Variants in GTPBP4 observed in about 807,000 individuals in gnomAD.
GTPBP4 encodes GTP binding protein 4.
Under a neutral mutation model 81.7 loss-of-function variants are expected in GTPBP4, and 15 were observed. The ratio of observed to expected loss-of-function variants is 0.18; its 90% confidence interval spans 0.12 to 0.28. The LOEUF (loss-of-function observed/expected upper bound fraction) is 0.28, where lower values mean the gene tolerates loss of function less well. Ranked by LOEUF, GTPBP4 falls within the 10% of genes least tolerant of loss-of-function variation. GTPBP4 has a pLI of 1.00. For synonymous variants in GTPBP4, 272 were observed against 274.6 expected (o/e 0.99, Z 0.09); for missense variants, 847 against 793.8 (o/e 1.07, Z -0.81).
rs761100651 is a variant in GTPBP4 at position 1,012,525 on chromosome 10, G to C, written c.1405G>C (p.Val469Leu). 1 of 1,612,904 alleles carries C rather than the reference G, an allele frequency of 6.2e-7. No individual in the cohort carries two copies. Among genetic ancestry groups the C allele is most frequent in the African/African-American group, 1.3e-5 (1 of 74,918 alleles). Residue 469 changes from valine (V) to leucine (L), a missense_variant, in exon 14 of 17, where the codon GTA (valine) becomes CTA (leucine). By Grantham distance (32) the Val-to-Leu change is conservative (BLOSUM62 1). Around this residue, in one of 3 missense-constraint regions of GTPBP4, gnomAD observed 600 missense variants for 557.1 expected, o/e 1.08. Transcript: ENST00000360803. ...LRTAAGEYDS[V>L]SESEDEEMLE... is the part of the protein sequence containing the mutation. ...AACAGCTGCTGGAGAGTATGACAGT[G>C]TATCTGAGAGTGAAGACGAAGAGAT...
At position 1,019,841 on chromosome 10, in the gene GTPBP4, A is replaced by G. The variant is rs1832060211; in HGVS notation, c.*2614A>G. Reference sequence around the variant, plus strand: ...CAATGTCCTCTGGAGAAATCTATTGACAGAAATTGGTGCAGTGTTAACAAC... The same window carrying G: ...CAATGTCCTCTGGAGAAATCTATTGGCAGAAATTGGTGCAGTGTTAACAAC... On this transcript the variant is annotated 3_prime_UTR_variant, in exon 17 of 17. Transcript: ENST00000360803. The G allele has an allele frequency of 6.2e-7, 1 of 1,606,308 alleles. No homozygotes were observed. The highest frequency in any genetic ancestry group is 8.5e-7 in the Non-Finnish European group (1 of 1,173,010).
chr10:1,004,824 C>T (rs1047376284), intron 8 of GTPBP4, among the ~76,000 whole-genome samples: 2 of 152,270 alleles, frequency 1.3e-5, no homozygotes, highest in South Asian at 2.1e-4. Flanking sequence ...GCAGTTTAGC[C>T]TCAGGGATGA....
chr10:992,649 C>A lies in GTPBP4; in HGVS notation c.209C>A (p.Pro70His). 2 of 1,603,044 alleles carry A rather than the reference C, an allele frequency of 1.2e-6. No homozygotes were observed. Among genetic ancestry groups the A allele is most frequent in the South Asian group, 2.2e-5 (2 of 89,874 alleles). ...DRLSQILTDF[P>H]KLDDIHPFYA... ...CTTTCACAAATTCTAACAGATTTCC[C>A]CAAATTGGATGTAAGTGACTTAGGG... Residue 70 changes from proline to histidine, a missense_variant, in exon 2 of 17, where the codon CCC (proline) becomes CAC (histidine). Coordinates refer to ENST00000360803, the MANE Select transcript of GTPBP4 (RefSeq NM_012341.3).
intron 5 of GTPBP4, among the ~76,000 whole-genome samples, chr10:998,275 T>C (rs1831567352): frequency 6.6e-6 from 1 of 152,098 alleles, no homozygotes; most frequent in African/African-American, 2.4e-5. Flanking sequence ...AATTTTTTTA[T>C]TTTTTGTGGA....
chr10:1,019,844 G>C lies in GTPBP4; in HGVS notation c.*2617G>C. 1 of 1,600,916 alleles carries C rather than the reference G, an allele frequency of 6.2e-7. No individual in the cohort carries two copies. The highest frequency in any genetic ancestry group is 8.6e-7 in the Non-Finnish European group (1 of 1,168,248). On this transcript the variant is annotated 3_prime_UTR_variant, in exon 17 of 17. Transcript: ENST00000360803. ...TGTCCTCTGGAGAAATCTATTGACAGAAATTGGTGCAGTGTTAACAACGCT... is the reference window on the plus strand; with the variant it reads ...TGTCCTCTGGAGAAATCTATTGACACAAATTGGTGCAGTGTTAACAACGCT...
At chr10:1,010,572 A>G in intron 13 of GTPBP4, 52 bp downstream of exon 13, 1 of 988,292 alleles carries the variant, frequency 1.0e-6, no homozygotes, top group Non-Finnish European at 1.6e-6. Flanking sequence ...TTATAGTAGT[A>G]TTGCTGGAAG....
rs182221582 is a variant in GTPBP4 at position 1,007,990 on chromosome 10, A to T, written c.1113+862A>T. On this transcript the variant is annotated intron_variant, in intron 10 of 16. Transcript: ENST00000360803. ...TTGCAAATTTTTTTCTCTTTTTGTC[A>T]CTTGCCTTTTTAACTTCAAATGTGC... is the stretch of plus-strand genomic sequence containing the variant. 2.9e-4 allele frequency: 152 copies of T among 516,144 alleles called. 1 individual carries two copies. The highest frequency in any genetic ancestry group is 2.4e-3 in the Middle Eastern group (7 of 2,944). 32.0% of individuals were successfully genotyped at this position (516,144 alleles called of 1,614,324 possible).
intron 11 of GTPBP4, 68 bp downstream of exon 11, chr10:1,009,103 G>A: frequency 8.2e-7 from 1 of 1,224,922 alleles, no homozygotes; most frequent in Non-Finnish European, 1.2e-6. Context: ...CCATCGTGGG[G>A]GCCTGGGGCA....
At position 1,008,943 on chromosome 10, in the gene GTPBP4, A is replaced by G. The variant is rs1831801008; in HGVS notation, c.1114-15A>G. The G allele has an allele frequency of 1.9e-6, 3 of 1,584,888 alleles. No homozygotes were observed. Among genetic ancestry groups the G allele is most frequent in the South Asian group, 1.1e-5 (1 of 90,472 alleles). On this transcript the variant is annotated splice_polypyrimidine_tract_variant and intron_variant, in intron 10 of 16. Coordinates refer to ENST00000360803, the MANE Select transcript of GTPBP4 (RefSeq NM_012341.3). ...CAGGCATTTCACATAAATATTTTAT[A>G]TGGGATCTTCTCAGGAGAGGCCCCC... is the stretch of plus-strand genomic sequence containing the variant.
intron 13 of GTPBP4, 50 bp downstream of exon 13, chr10:1,010,570 G>A (rs1349970879): frequency 1.0e-6 from 1 of 1,001,018 alleles, no homozygotes; most frequent in Non-Finnish European, 1.6e-6. Context: ...TATTATAGTA[G>A]TATTGCTGGA....
rs1832053978 is a variant in GTPBP4 at position 1,019,629 on chromosome 10, A to G, written c.*2402A>G. The G allele has an allele frequency of 6.2e-7, 1 of 1,613,922 alleles. No homozygotes were observed. The highest frequency in any genetic ancestry group is 1.3e-5 in the African/African-American group (1 of 74,992). ...GGTTCTTAGCCAGGGGGTGACTTTG[A>G]CTTCACCCCTCGCCTCCCTCTCCAG... On this transcript the variant is annotated 3_prime_UTR_variant, in exon 17 of 17. Coordinates refer to ENST00000360803, the MANE Select transcript of GTPBP4 (RefSeq NM_012341.3).
chr10:1,000,178 A>G (rs1831600857), intron 6 of GTPBP4, among the ~76,000 whole-genome samples: 1 of 151,376 alleles, frequency 6.6e-6, no homozygotes, highest in Non-Finnish European at 1.5e-5. Context: ...TGATGTTTAA[A>G]TAGTATGTAC....
rs144764762 is a variant in GTPBP4, at chr10:994,256, TTTTGTTTGTTTG to T, written c.219+1617_219+1628del. ...GAAGAAAGTGATTTAAGAATGAGAT[TTTTGTTTGTTTG>T]TTTGTTTGTTTGTTTGTTTTGAGAC... is the stretch of plus-strand genomic sequence containing the variant. On this transcript the variant is annotated intron_variant, in intron 2 of 16. Coordinates refer to ENST00000360803, the MANE Select transcript of GTPBP4 (RefSeq NM_012341.3). 1.3e-3 allele frequency among the ~76,000 whole-genome samples: 192 copies of T among 150,482 alleles called. 1 individual carries two copies. Among genetic ancestry groups the T allele is most frequent in the African/African-American group, 3.8e-3 (155 of 40,836 alleles).
intron 8 of GTPBP4, among the ~76,000 whole-genome samples, chr10:1,002,483 G>T (rs1326554214): frequency 2.0e-5 from 3 of 152,138 alleles, no homozygotes; most frequent in African/African-American, 4.8e-5. Context: ...GTGTCTTAAT[G>T]TCTTTACAGG....
intron 7 of GTPBP4, 29 bp from the exon 8 acceptor site, chr10:1,000,919 T>C (rs1453808680): frequency 6.2e-7 from 1 of 1,610,024 alleles, no homozygotes; most frequent in Non-Finnish European, 8.5e-7. Context: ...ACGAGAATAA[T>C]GATTTCATTA....
rs747080192 is a variant in GTPBP4 at position 1,014,277 on chromosome 10, C to T, written c.1573C>T (p.Arg525Cys). 24 of 1,607,456 alleles carry T rather than the reference C, an allele frequency of 1.5e-5. No individual in the cohort carries two copies. Among genetic ancestry groups the T allele is most frequent in the Admixed American group, 6.7e-5 (4 of 59,934 alleles). The change falls in exon 15 of 17, where the codon CGT becomes TGT. Residue 525 changes from arginine (R) to cysteine (C), a missense_variant. This residue lies in a region of GTPBP4 where 600 missense variants were observed against 557.1 expected (regional missense o/e 1.08). Coordinates refer to ENST00000360803, the MANE Select transcript of GTPBP4 (RefSeq NM_012341.3). ...VQRTVLEKEM[R>C]SLGVDMDDKD... ...GAGGACAGTTTTGGAGAAGGAGATG[C>T]GTAGTCTTGGTGTTGACATGGACGA...
In GTPBP4 at chr10:1,001,030, T is replaced by A. The variant is rs372742449; in HGVS notation, c.912+17T>A. 1.7e-5 allele frequency: 26 copies of A among 1,546,722 alleles called. No homozygotes were observed. The highest frequency in any genetic ancestry group is 2.3e-5 in the Non-Finnish European group (26 of 1,119,078). On this transcript the variant is annotated intron_variant, in intron 8 of 16. Transcript: ENST00000360803. ...GATGATCAGGTAAATCACGTTAATATTTTGAATATTTCTTACTTACCAATT... is the reference window on the plus strand; with the variant it reads ...GATGATCAGGTAAATCACGTTAATAATTTGAATATTTCTTACTTACCAATT...
intron 4 of GTPBP4, chr10:996,745 G>T: frequency 6.3e-6 from 1 of 158,576 alleles, no homozygotes; most frequent in Non-Finnish European, 1.4e-5. Flanking sequence ...CAGGTGCTTT[G>T]CTACAGATCT....
chr10:1,007,173 C>T (rs757132546), intron 10 of GTPBP4, 45 bp downstream of exon 10: 2 of 1,047,928 alleles, frequency 1.9e-6, no homozygotes, highest in African/African-American at 1.6e-5. Flanking sequence ...GTACTGTCAG[C>T]AGGTGCTGTC....
Sources: allele counts gnomAD v4.1 joint callset (sites outside exome capture counted in the v4.1 genomes callset), GRCh38; gene constraint gnomAD v4.1.1; regional missense constraint gnomAD v4.1.1; transcripts MANE v1.5; gene names NCBI Gene and HGNC (gene_info 2026-07-23, HGNC 2026-07-21).